Variants in OCA2 observed in about 807,000 individuals in gnomAD.
The protein encoded by OCA2 is OCA2 melanosomal transmembrane protein.
OCA2 carries 77 observed loss-of-function variants against 100.2 expected under a neutral mutation model. The ratio of observed to expected loss-of-function variants is 0.77; its 90% CI spans 0.64 to 0.93. The LOEUF (loss-of-function observed/expected upper bound fraction) is 0.93. Among genes scored for constraint, OCA2 ranks in the 40% least tolerant of loss-of-function variants. The pLI, the probability that OCA2 is intolerant of heterozygous loss-of-function variation, is 0.00. For missense variants in OCA2, 1,062 were observed against 1,089.1 expected (o/e 0.98, Z 0.35); for synonymous variants, 432 against 439.2 (o/e 0.98, Z 0.21).
At chr15:27,770,641 C>T (rs2031661479) in intron 23 of OCA2, among the ~76,000 whole-genome samples, 2 of 151,876 alleles carry the variant, frequency 1.3e-5, no homozygotes, top group African/African-American at 2.4e-5. Flanking sequence ...CAGAACCCGG[C>T]CGCTCCCGTG....
intron 23 of OCA2, among the ~76,000 whole-genome samples, chr15:27,807,656 T>C (rs2033912969): frequency 6.6e-6 from 1 of 152,124 alleles, no homozygotes; most frequent in Non-Finnish European, 1.5e-5. Context: ...CAGCTGTGGA[T>C]TTATTGCTTG....
In OCA2 at chr15:27,861,258, C is replaced by T. The variant is rs147623052; in HGVS notation, c.2245-9783G>A. Reference sequence around the variant, plus strand: ...TTGAGCAACTGAGAGAACGGAGTCACGATTTATGAGGGCAAGGAAGAGTGG... The same window carrying T: ...TTGAGCAACTGAGAGAACGGAGTCATGATTTATGAGGGCAAGGAAGAGTGG... On this transcript the variant is annotated intron_variant, in intron 21 of 23. Coordinates refer to ENST00000354638, the MANE Select transcript of OCA2 (RefSeq NM_000275.3). Among the ~76,000 whole-genome samples the T allele has an allele frequency of 2.0e-3, 310 of 152,102 alleles. 4 individuals carry two copies. The highest frequency in any genetic ancestry group is 0.018 in the South Asian group (86 of 4,810).
At chr15:27,738,160 A>T in the OCA2 span, among the ~76,000 whole-genome samples, 3 of 152,256 alleles carry the variant, frequency 2.0e-5, no homozygotes, top group African/African-American at 7.2e-5. Flanking sequence ...CTAGATATAT[A>T]GCAACCAGAA....
chr15:27,970,167 T>TGAAAACGGAGCAAGCC (rs2040722112), intron 14 of OCA2, among the ~76,000 whole-genome samples: 1 of 151,630 alleles, frequency 6.6e-6, no homozygotes, highest in Non-Finnish European at 1.5e-5. Flanking sequence ...CCCAGCAAGC[T>TGAAAACGGAGCAAGCC]GAAAACGGAG....
At chr15:27,846,077 G>A (rs572784829) in intron 22 of OCA2, among the ~76,000 whole-genome samples, 50 of 152,212 alleles carry the variant, frequency 3.3e-4, no homozygotes, top group African/African-American at 1.1e-3. Flanking sequence ...GTGGGGCTCA[G>A]GCTGCCCCAG....
At chr15:27,797,562 GT>G (rs10706526) in intron 23 of OCA2, among the ~76,000 whole-genome samples, 111,040 of 152,036 alleles carry the variant, frequency 0.73, 41,919 homozygotes, top group African/African-American at 0.93. Flanking sequence ...TATTATTGCT[GT>G]TGTGGCAGGG....
At chr15:27,992,617 G>A (rs2041593535) in intron 9 of OCA2, among the ~76,000 whole-genome samples, 1 of 152,106 alleles carries the variant, frequency 6.6e-6, no homozygotes, top group Admixed American at 6.5e-5. Flanking sequence ...TCTCTTTTTT[G>A]ATATTTAATT....
At chr15:27,849,772 G>T (rs574315407) in intron 22 of OCA2, among the ~76,000 whole-genome samples, 29 of 149,970 alleles carry the variant, frequency 1.9e-4, no homozygotes, top group African/African-American at 7.3e-4. Flanking sequence ...TGTCCCTAAT[G>T]CCACTGAACT....
the OCA2 span, among the ~76,000 whole-genome samples, chr15:27,749,494 A>G: frequency 6.6e-6 from 1 of 152,214 alleles, no homozygotes; most frequent in African/African-American, 2.4e-5. Context: ...TAGCCACCAG[A>G]ATAAGGCAAA....
chr15:27,818,314 G>GGGAGGT (rs2034381004), intron 23 of OCA2, among the ~76,000 whole-genome samples: 1 of 152,118 alleles, frequency 6.6e-6, no homozygotes, highest in African/African-American at 2.4e-5. Context: ...GCTTGAACCC[G>GGGAGGT]GGAGGTGGAG....
chr15:28,009,144 A>T (rs564179289), intron 9 of OCA2, among the ~76,000 whole-genome samples: 80 of 152,354 alleles, frequency 5.3e-4, no homozygotes, highest in South Asian at 3.5e-3. Context: ...TTATGGACAC[A>T]CAGAAGTCAC....
intron 13 of OCA2, 53 bp from the exon 14 acceptor site, chr15:27,983,536 G>A: frequency 6.3e-7 from 1 of 1,596,296 alleles, no homozygotes; most frequent in Non-Finnish European, 8.6e-7. Flanking sequence ...ATCGTGAAAG[G>A]CCCACATGCA....
chr15:28,011,405 C>T (rs750214522), intron 9 of OCA2, among the ~76,000 whole-genome samples: 11 of 152,072 alleles, frequency 7.2e-5, no homozygotes, highest in Non-Finnish European at 1.2e-4. Context: ...GAGTTTGAGG[C>T]TGCAGTGAGC....
intron 19 of OCA2, among the ~76,000 whole-genome samples, chr15:27,904,776 T>C (rs2594907): frequency 0.63 from 96,286 of 151,838 alleles, 31,113 homozygotes; most frequent in East Asian, 0.96. Context: ...CTCCTCAAGC[T>C]TGCCTGGGTA....
chr15:27,836,063 A>G (rs1483050257), intron 23 of OCA2, among the ~76,000 whole-genome samples: 1 of 152,160 alleles, frequency 6.6e-6, no homozygotes. Context: ...TCTGGCCTTC[A>G]GGAGCCTCAG....
Position 28,079,448 on chromosome 15 carries a change from G to A in OCA2, c.227+2200C>T, listed in dbSNP as rs375101489. 4.0e-4 allele frequency among the ~76,000 whole-genome samples: 61 copies of A among 152,258 alleles called. No homozygotes were observed. The East Asian group carries it at 7.2e-3, about 18-fold the overall frequency. On this transcript the variant is annotated intron_variant, in intron 2 of 23. Transcript: ENST00000354638. Reference sequence around the variant, plus strand: ...GACATGGCCACACACCTGCCCAGGAGTGTGCTGTTTCAGGGGGCTCACCTA... The same window carrying A: ...GACATGGCCACACACCTGCCCAGGAATGTGCTGTTTCAGGGGGCTCACCTA...
rs2040275405 is a variant in OCA2, at chr15:27,957,720, A to C, written c.1652T>G (p.Ile551Ser). 6 of 1,613,200 alleles carry C rather than the reference A, an allele frequency of 3.7e-6. No homozygotes were observed. The highest frequency in any genetic ancestry group is 5.1e-6 in the Non-Finnish European group (6 of 1,180,008). Residue 551 changes from isoleucine (I) to serine (S), a missense_variant, in exon 16 of 24, where the codon ATT (isoleucine) becomes AGT (serine). By Grantham distance (142) the Ile-to-Ser change is moderately radical. Coordinates refer to ENST00000354638, the MANE Select transcript of OCA2 (RefSeq NM_000275.3). The surrounding 1 kb of genome is among the most constrained non-coding windows in gnomAD (Gnocchi z 4.3). ...CTGAGCAGTCAGGCGCCAGACGTGA[A>C]TCTCGTGCTTCAGTTCTGCAGAGAA... ...PSEIVELKHE[I>S]HVWRLTAQRI...
At chr15:28,051,048 C>G (rs2141563537) in intron 2 of OCA2, among the ~76,000 whole-genome samples, 1 of 152,318 alleles carries the variant, frequency 6.6e-6, no homozygotes, top group East Asian at 1.9e-4. Context: ...GCCTCCCACC[C>G]ATATGAGGGT....
At chr15:27,802,200 A>G (rs1019117787) in intron 23 of OCA2, among the ~76,000 whole-genome samples, 3 of 152,194 alleles carry the variant, frequency 2.0e-5, no homozygotes, top group Non-Finnish European at 4.4e-5. Context: ...AACTTTTATA[A>G]TACCATCAAA....
Sources: allele counts gnomAD v4.1 joint callset (sites outside exome capture counted in the v4.1 genomes callset), GRCh38; gene constraint gnomAD v4.1.1; non-coding constraint Gnocchi (gnomAD v3.1); transcripts MANE v1.5; gene names NCBI Gene and HGNC (gene_info 2026-07-23, HGNC 2026-07-21).